Variants in IQCF2 observed in about 807,000 individuals in gnomAD.
IQCF2 encodes IQ domain-containing protein F2.
In IQCF2, 6 loss-of-function variants were observed where a neutral mutation model predicts 7.0. The observed-to-expected ratio is 0.86, with a 90% CI of 0.47 to 1.70. IQCF2 has a LOEUF of 1.70. IQCF2 is among the 40% of genes most tolerant of loss of function. The pLI is 0.01. For synonymous variants in IQCF2, 67 were observed against 74.0 expected (o/e 0.91, Z 0.48); for missense variants, 174 against 204.6 (o/e 0.85, Z 0.91).
chr3:51,862,845 G>C lies in IQCF2; in HGVS notation c.112-142G>C, dbSNP rs984409804. On this transcript the variant is annotated intron_variant, in intron 2 of 2. Transcript: ENST00000333127. Reference sequence around the variant, plus strand: ...AGGAAGGTCACCACCAGGTCTGATGGCTCCTAGTCAGTGTCCTGCTAACTT... The same window carrying C: ...AGGAAGGTCACCACCAGGTCTGATGCCTCCTAGTCAGTGTCCTGCTAACTT... 7 of 974,344 alleles carry C rather than the reference G, an allele frequency of 7.2e-6. No homozygotes were observed. In the East Asian group the frequency reaches 1.7e-4, roughly 23 times the overall value. The allele number at this position is 974,344 out of a possible 1,614,324, so 60.4% of individuals were successfully genotyped here.
Position 51,863,346 on chromosome 3 carries a change from C to T in IQCF2, c.471C>T (p.Phe157=), listed in dbSNP as rs1396525724. 6.2e-7 allele frequency: 1 copy of T among 1,613,856 alleles called. No individual in the cohort carries two copies. Among genetic ancestry groups the T allele is most frequent in the Admixed American group, 1.7e-5 (1 of 60,012 alleles). Residue 157 remains phenylalanine, a synonymous_variant, in exon 3 of 3, where the codon TTC becomes TTT. Transcript: ENST00000333127. ...HCVVTATHLQ[F]HIEIINS ...TGGTCACAGCCACTCACCTGCAGTT[C>T]CACATTGAGATCATCAACTCCTAAG... is the stretch of plus-strand genomic sequence containing the variant.
rs764692532 is a variant in IQCF2 at position 51,861,651 on chromosome 3, C to T, written c.-16C>T. On this transcript the variant is annotated 5_prime_UTR_variant, in exon 1 of 3. Coordinates refer to ENST00000333127, the MANE Select transcript of IQCF2 (RefSeq NM_203424.2). ...AGCAGAGAAATCAGGGCTAATGAAC[C>T]ATCTAAGGACAGGCCATGAGGGTTC... 6.2e-7 allele frequency: 1 copy of T among 1,614,146 alleles called. No homozygotes were observed.
At position 51,863,222 on chromosome 3, in the gene IQCF2, G is replaced by A. The variant is rs369854806; in HGVS notation, c.347G>A (p.Arg116His). Residue 116 changes from arginine (R) to histidine (H), a missense_variant, in exon 3 of 3, where the codon CGC (arginine) becomes CAC (histidine). Transcript: ENST00000333127. ...TCTTTGGTCCGTATGTGGCGTGTCC[G>A]CTGGCGATACTGCCAGGTGCTCAAT... The part of the protein sequence containing the change: ...LQSLVRMWRV[R>H]WRYCQVLNAI... 2.4e-5 allele frequency: 39 copies of A among 1,614,088 alleles called. No homozygotes were observed. The highest frequency in any genetic ancestry group is 6.7e-5 in the African/African-American group (5 of 74,924).
rs150954783 is a variant in IQCF2, at chr3:51,863,206, C to T, written c.331C>T (p.Arg111Cys). The T allele has an allele frequency of 1.9e-5, 31 of 1,614,062 alleles. No individual in the cohort carries two copies. The highest frequency in any genetic ancestry group is 5.3e-5 in the African/African-American group (4 of 74,924). The stretch of plus-strand genomic sequence containing the variant: ...AGTGATCAAGCTCCAGTCTTTGGTC[C>T]GTATGTGGCGTGTCCGCTGGCGATA... ...RAVIKLQSLVRMWRVRWRYCQ... is the reference protein window; with the variant it reads ...RAVIKLQSLVCMWRVRWRYCQ... Residue 111 changes from arginine to cysteine, a missense_variant, in exon 3 of 3, where the codon CGT becomes TGT. Coordinates refer to ENST00000333127, the MANE Select transcript of IQCF2 (RefSeq NM_203424.2).
In IQCF2 at chr3:51,861,639, G is replaced by A; in HGVS notation, c.-28G>A. 6.2e-7 allele frequency: 1 copy of A among 1,614,036 alleles called. No homozygotes were observed. Among genetic ancestry groups the A allele is most frequent in the Non-Finnish European group, 8.5e-7 (1 of 1,179,904 alleles). On this transcript the variant is annotated 5_prime_UTR_variant, in exon 1 of 3. Transcript: ENST00000333127. Reference sequence around the variant, plus strand: ...CAGACCTTGGGAAGCAGAGAAATCAGGGCTAATGAACCATCTAAGGACAGG... The same window carrying A: ...CAGACCTTGGGAAGCAGAGAAATCAAGGCTAATGAACCATCTAAGGACAGG...
chr3:51,862,620 A>G (rs1407248824), intron 2 of IQCF2, among the ~76,000 whole-genome samples: 1 of 152,216 alleles, frequency 6.6e-6, no homozygotes, highest in Non-Finnish European at 1.5e-5. Flanking sequence ...GAATTAGCAG[A>G]TAATTACCAG....
intron 2 of IQCF2, among the ~76,000 whole-genome samples, chr3:51,862,530 G>T (rs1487325953): frequency 6.6e-6 from 1 of 152,038 alleles, no homozygotes; most frequent in Non-Finnish European, 1.5e-5. Context: ...TAGAATATGT[G>T]GTCAGGGTAT....
rs751837968 is a variant in IQCF2 at position 51,862,997 on chromosome 3, G to A, written c.122G>A (p.Arg41Lys). 1.0e-5 allele frequency: 16 copies of A among 1,603,700 alleles called. No homozygotes were observed. Among genetic ancestry groups the A allele is most frequent in the African/African-American group, 1.3e-5 (1 of 74,648 alleles). Residue 41 changes from arginine to lysine, a missense_variant, in exon 3 of 3, where the codon AGA (arginine) becomes AAA (lysine). Coordinates refer to ENST00000333127, the MANE Select transcript of IQCF2 (RefSeq NM_203424.2). ...KKQQKIKEKL[R>K]IRTKAAVKIQ... is the part of the protein sequence containing the mutation. ...CTTGTCTCTGCCTAGGAAAAACTTA[G>A]AATAAGAACAAAAGCAGCTGTAAAG... is the stretch of plus-strand genomic sequence containing the variant.
In IQCF2 at chr3:51,861,661, C is replaced by A. The variant is rs201116008; in HGVS notation, c.-6C>A. On this transcript the variant is annotated 5_prime_UTR_variant, in exon 1 of 3. Coordinates refer to ENST00000333127, the MANE Select transcript of IQCF2 (RefSeq NM_203424.2). ...TCAGGGCTAATGAACCATCTAAGGA[C>A]AGGCCATGAGGGTTCGATTTTGTGT... is the stretch of plus-strand genomic sequence containing the variant. The A allele has an allele frequency of 1.9e-6, 3 of 1,614,146 alleles. No homozygotes were observed. In the African/African-American group the frequency reaches 4.0e-5, roughly 22 times the overall value.
At position 51,861,633 on chromosome 3, in the gene IQCF2, A is replaced by G; in HGVS notation, c.-34A>G. ...TCATGCCAGACCTTGGGAAGCAGAG[A>G]AATCAGGGCTAATGAACCATCTAAG... On this transcript the variant is annotated 5_prime_UTR_variant, in exon 1 of 3. Coordinates refer to ENST00000333127, the MANE Select transcript of IQCF2 (RefSeq NM_203424.2). 6.2e-7 allele frequency: 1 copy of G among 1,613,936 alleles called. No homozygotes were observed. Among genetic ancestry groups the G allele is most frequent in the South Asian group, 1.1e-5 (1 of 91,066 alleles).
intron 2 of IQCF2, among the ~76,000 whole-genome samples, chr3:51,862,327 C>T (rs534901904): frequency 4.2e-5 from 6 of 142,494 alleles, no homozygotes; most frequent in African/African-American, 1.0e-4. Context: ...TGGGTGAACC[C>T]GAGAAGCGGA....
chr3:51,861,778 T>C, intron 1 of IQCF2, 80 bp from the exon 2 acceptor site: 2 of 1,570,704 alleles, frequency 1.3e-6, no homozygotes, highest in Non-Finnish European at 1.8e-6. Flanking sequence ...GATGTTAAAG[T>C]AGTAATTGTC....
At chr3:51,862,359 C>T (rs555984072) in intron 2 of IQCF2, among the ~76,000 whole-genome samples, 5 of 147,100 alleles carry the variant, frequency 3.4e-5, no homozygotes, top group Non-Finnish European at 5.9e-5. Flanking sequence ...GCCAAGATCA[C>T]GCCACTGCAC....
At chr3:51,861,995 A>C (rs997077285) in intron 2 of IQCF2, 45 bp downstream of exon 2, 1 of 1,393,334 alleles carries the variant, frequency 7.2e-7, no homozygotes, top group African/African-American at 1.4e-5. Flanking sequence ...GAACATTTAT[A>C]ACTACATCAT....
At position 51,861,901 on chromosome 3, in the gene IQCF2, A is replaced by G. The variant is rs1346692891; in HGVS notation, c.62A>G (p.Glu21Gly). Residue 21 changes from glutamate to glycine, a missense_variant, in exon 2 of 3, where the codon GAA becomes GGA. By Grantham distance (98) the Glu-to-Gly change is moderately conservative. Transcript: ENST00000333127. Reference protein sequence around the residue: ...LILVIIEDVEESIEWKTLQKK... With the variant: ...LILVIIEDVEGSIEWKTLQKK... ...TTGGTTATAATTGAGGATGTTGAAG[A>G]AAGCATTGAATGGAAGACATTGCAG... 1 of 1,614,034 alleles carries G rather than the reference A, an allele frequency of 6.2e-7. No individual in the cohort carries two copies. The highest frequency in any genetic ancestry group is 8.5e-7 in the Non-Finnish European group (1 of 1,179,990).
At chr3:51,862,522 G>A (rs1398062054) in intron 2 of IQCF2, among the ~76,000 whole-genome samples, 1 of 151,882 alleles carries the variant, frequency 6.6e-6, no homozygotes, top group Non-Finnish European at 1.5e-5. Context: ...ACTTGGAGTA[G>A]AATATGTGGT....
intron 1 of IQCF2, 36 bp downstream of exon 1, chr3:51,861,720 G>A (rs1463844460): frequency 6.2e-7 from 1 of 1,613,128 alleles, no homozygotes; most frequent in South Asian, 1.1e-5. Flanking sequence ...GGTGGACCAG[G>A]AATGGGTGGG....
In IQCF2 at chr3:51,863,127, G is replaced by A; in HGVS notation, c.252G>A (p.Val84=). 1 of 1,614,252 alleles carries A rather than the reference G, an allele frequency of 6.2e-7. No individual in the cohort carries two copies. Among genetic ancestry groups the A allele is most frequent in the Non-Finnish European group, 8.5e-7 (1 of 1,180,044 alleles). The change falls in exon 3 of 3, where the codon GTG becomes GTA. Residue 84 remains valine (V), a synonymous_variant. Coordinates refer to ENST00000333127, the MANE Select transcript of IQCF2 (RefSeq NM_203424.2). ...GGTGGCGGATGACGCTGTCGAGGGT[G>A]CTGGAGAAGAAACGGCAGGCAGCTC... ...QCWWRMTLSR[V]LEKKRQAALI...
intron 1 of IQCF2, 22 bp from the exon 2 acceptor site, chr3:51,861,836 T>A: frequency 6.3e-7 from 1 of 1,595,262 alleles, no homozygotes; most frequent in Non-Finnish European, 8.6e-7. Context: ...TTTATGTACT[T>A]CCCATTTAAT....
Sources: gnomAD v4.1 joint callset for allele counts (sites outside exome capture counted in the v4.1 genomes callset) on GRCh38, gnomAD v4.1.1 for gene constraint, MANE v1.5 for transcripts, NCBI Gene and HGNC (gene_info 2026-07-23, HGNC 2026-07-21) for gene names.